Variants in SYNE2 observed in about 807,000 individuals in gnomAD.
The protein encoded by SYNE2 is nesprin-2.
A neutral mutation model predicts 856.3 loss-of-function variants in SYNE2; 431 were observed. The ratio of observed to expected loss-of-function variants is 0.50; its 90% CI spans 0.47 to 0.55. The LOEUF is 0.55. Among genes scored for constraint, SYNE2 ranks in the 20% least tolerant of loss-of-function variants. The probability of loss-of-function intolerance (pLI) is 0.00; values close to 1 mark genes in which losing one functional copy is unlikely to be tolerated. For missense variants in SYNE2, 8,129 were observed against 8,023.2 expected, an observed-to-expected ratio of 1.01 and a Z score of -0.50; for synonymous variants, 2,923 against 2,872.3, an observed-to-expected ratio of 1.02 and a Z score of -0.56.
chr14:64,098,736 G>C lies in SYNE2; in HGVS notation c.12307-11G>C. The C allele has an allele frequency of 6.2e-7, 1 of 1,613,746 alleles. No homozygotes were observed. Among genetic ancestry groups the C allele is most frequent in the Non-Finnish European group, 8.5e-7 (1 of 1,179,922 alleles). ...AGCAGACTGCAGGTATTCTTGTGCT[G>C]TGCCTTTCAGTTGAACAGAAGAGGC... On this transcript the variant is annotated splice_polypyrimidine_tract_variant and intron_variant, in intron 62 of 115. Transcript: ENST00000555002.
chr14:63,913,101 C>T (rs2095492737), intron 2 of SYNE2, among the ~76,000 whole-genome samples: 1 of 151,954 alleles, frequency 6.6e-6, no homozygotes, highest in South Asian at 2.1e-4. Flanking sequence ...GCCTGGCTAA[C>T]GTTTTTATTT....
intron 41 of SYNE2, 45 bp from the exon 42 acceptor site, chr14:64,026,534 T>C: frequency 6.7e-7 from 1 of 1,484,332 alleles, no homozygotes; most frequent in Non-Finnish European, 9.4e-7. Flanking sequence ...GTAGTATCTC[T>C]AAGTAATGCA....
intron 1 of SYNE2, among the ~76,000 whole-genome samples, chr14:63,779,825 CGCTTGAACTGGG>C (rs1253404660): frequency 2.0e-5 from 3 of 152,022 alleles, no homozygotes; most frequent in Non-Finnish European, 4.4e-5. Context: ...GCAGGAGAAT[CGCTTGAACTGGG>C]GCTTGAACTG....
At chr14:64,126,068 C>T (rs753782881) in intron 71 of SYNE2, among the ~76,000 whole-genome samples, 21 of 152,184 alleles carry the variant, frequency 1.4e-4, no homozygotes, top group Non-Finnish European at 2.6e-4. Context: ...AGGGATCCTT[C>T]ATCTCATGAT....
At chr14:63,999,931 A>G (rs1043641249) in intron 27 of SYNE2, among the ~76,000 whole-genome samples, 16 of 152,236 alleles carry the variant, frequency 1.1e-4, no homozygotes, top group Non-Finnish European at 1.5e-4. Context: ...TTTCATCACA[A>G]TTAAGCAACT....
intron 109 of SYNE2, 71 bp from the exon 110 acceptor site, chr14:64,219,137 C>T: frequency 1.7e-6 from 2 of 1,202,760 alleles, no homozygotes; most frequent in Non-Finnish European, 1.2e-6. Context: ...CCACCCTGAC[C>T]CCTAATTAGC....
chr14:64,168,270 A>C (rs2098392592), intron 92 of SYNE2, among the ~76,000 whole-genome samples: 1 of 152,086 alleles, frequency 6.6e-6, no homozygotes, highest in African/African-American at 2.4e-5. Context: ...CACCTGGCTA[A>C]TTTTTGTATT....
intron 78 of SYNE2, among the ~76,000 whole-genome samples, chr14:64,135,411 C>G (rs1279177964): frequency 6.6e-6 from 1 of 151,466 alleles, no homozygotes; most frequent in Non-Finnish European, 1.5e-5. Context: ...CCCTAGATGC[C>G]TGGAAAGCTA....
chr14:63,949,635 C>T (rs535324640), intron 6 of SYNE2, among the ~76,000 whole-genome samples, 190 bp from the exon 7 acceptor site: 4 of 152,216 alleles, frequency 2.6e-5, no homozygotes, highest in East Asian at 1.9e-4. Flanking sequence ...CCAAGTCATT[C>T]CTTAGGAAGC....
chr14:64,026,516 G>C, intron 41 of SYNE2, 63 bp from the exon 42 acceptor site: 2 of 1,285,758 alleles, frequency 1.6e-6, no homozygotes, highest in Non-Finnish European at 2.2e-6. Context: ...CAAATAAAGA[G>C]ATAGCATGTA....
At chr14:64,152,938 A>T (rs749552915) in intron 85 of SYNE2, among the ~76,000 whole-genome samples, 1 of 152,208 alleles carries the variant, frequency 6.6e-6, no homozygotes, top group Non-Finnish European at 1.5e-5. Context: ...ACAGGCTGCA[A>T]ATCCACTTGG....
At chr14:63,964,189 ATGCACATTCTGG>A (rs1049668496) in intron 10 of SYNE2, among the ~76,000 whole-genome samples, 189 bp downstream of exon 10, 2 of 152,268 alleles carry the variant, frequency 1.3e-5, no homozygotes, top group Admixed American at 1.3e-4. Context: ...TCCTGTTAAA[ATGCACATTCTGG>A]TTCAGTAGTT....
chr14:64,047,795 A>G (rs1245987356), intron 45 of SYNE2, among the ~76,000 whole-genome samples: 2 of 152,178 alleles, frequency 1.3e-5, no homozygotes, highest in Non-Finnish European at 2.9e-5. Flanking sequence ...ATCCTATACT[A>G]CTTTGTCAAA....
intron 95 of SYNE2, among the ~76,000 whole-genome samples, chr14:64,175,707 CTG>C (rs2098431849): frequency 2.0e-5 from 3 of 152,074 alleles, no homozygotes; most frequent in Admixed American, 2.0e-4. Context: ...TAATGTCAAA[CTG>C]TCTATTTTTA....
rs574314914 is a variant in SYNE2 at position 64,093,899 on chromosome 14, A to T, written c.12108+419A>T. Among the ~76,000 whole-genome samples, 74 of 152,330 alleles carry T rather than the reference A, an allele frequency of 4.9e-4. 1 individual carries two copies. Among genetic ancestry groups the T allele is most frequent in the African/African-American group, 1.4e-3 (58 of 41,572 alleles). ...GATATAACACACAGGATATTTGGACAACCTGACTTTCTGGGATAGAGTCAG... is the reference window on the plus strand; with the variant it reads ...GATATAACACACAGGATATTTGGACTACCTGACTTTCTGGGATAGAGTCAG... On this transcript the variant is annotated intron_variant, in intron 61 of 115. Coordinates refer to ENST00000555002, the MANE Select transcript of SYNE2 (RefSeq NM_182914.3).
intron 99 of SYNE2, among the ~76,000 whole-genome samples, chr14:64,191,636 T>C (rs1214556187): frequency 6.6e-6 from 1 of 152,218 alleles, no homozygotes; most frequent in East Asian, 1.9e-4. Context: ...CTCTGCTAAA[T>C]ACTTGGCCTT....
chr14:64,173,377 C>T (rs934897982), intron 94 of SYNE2, among the ~76,000 whole-genome samples: 10 of 152,302 alleles, frequency 6.6e-5, no homozygotes, highest in African/African-American at 1.9e-4. Context: ...GAGAGATGCA[C>T]GTGGAGTGCC....
chr14:64,172,210 A>G (rs1274246205), intron 94 of SYNE2, among the ~76,000 whole-genome samples: 1 of 152,226 alleles, frequency 6.6e-6, no homozygotes, highest in Non-Finnish European at 1.5e-5. Flanking sequence ...AAGGAAAAGT[A>G]GGAATCCTAA....
At chr14:64,165,141 C>A in intron 89 of SYNE2, 144 bp from the exon 90 acceptor site, 1 of 767,942 alleles carries the variant, frequency 1.3e-6, no homozygotes, top group Non-Finnish European at 2.2e-6. Context: ...CCCACCTCGG[C>A]CTCCCAAAGT....
Sources: gnomAD v4.1 joint callset for allele counts (sites outside exome capture counted in the v4.1 genomes callset) on GRCh38, gnomAD v4.1.1 for gene constraint, MANE v1.5 for transcripts, NCBI Gene and HGNC (gene_info 2026-07-23, HGNC 2026-07-21) for gene names.